Variants in CNBD1 observed in about 807,000 individuals in gnomAD.
CNBD1 encodes the protein cyclic nucleotide-binding domain-containing protein 1.
In CNBD1, 71 loss-of-function variants were observed where a neutral mutation model predicts 54.4. That is an observed-to-expected ratio of 1.30 (90% CI 1.08 to 1.59). The LOEUF is 1.59. CNBD1 is among the 40% of genes most tolerant of loss of function. The pLI, the probability that CNBD1 is intolerant of heterozygous loss-of-function variation, is 0.00. For missense variants in CNBD1, 659 were observed against 518.0 expected (o/e 1.27, Z -2.64); for synonymous variants, 182 against 170.7 (o/e 1.07, Z -0.51).
chr8:86,987,137 C>G (rs1315970874), intron 4 of CNBD1, among the ~76,000 whole-genome samples: 1 of 152,072 alleles, frequency 6.6e-6, no homozygotes, highest in Non-Finnish European at 1.5e-5. Flanking sequence ...TTTTTCTAAT[C>G]CATGAACATG....
In CNBD1 at chr8:87,227,591, G is replaced by A. The variant is rs202221754; in HGVS notation, c.578-9328G>A. On this transcript the variant is annotated intron_variant, in intron 5 of 10. Transcript: ENST00000518476. ...GCCCCCACTCTCTTCTGGCTTGTAG[G>A]GTTTCTGCCGAGAGATCCGCTGTTA... Among the ~76,000 whole-genome samples, 3 of 120,738 alleles carry A rather than the reference G, an allele frequency of 2.5e-5. No individual in the cohort carries two copies. The Admixed American group carries it at 2.6e-4, about 11-fold the overall frequency. 79.2% of individuals were successfully genotyped at this position (120,738 alleles called of 152,430 possible).
chr8:87,013,936 G>A (rs759431297), intron 4 of CNBD1, among the ~76,000 whole-genome samples: 1 of 150,788 alleles, frequency 6.6e-6, no homozygotes, highest in Non-Finnish European at 1.5e-5. Context: ...ACTGCCTAGG[G>A]TGATGCAACA....
At chr8:87,252,020 A>T (rs756612150) in intron 6 of CNBD1, among the ~76,000 whole-genome samples, 2 of 152,158 alleles carry the variant, frequency 1.3e-5, no homozygotes, top group Non-Finnish European at 2.9e-5. Flanking sequence ...ACATAAATTG[A>T]TAAGAATTTG....
At chr8:87,284,232 T>C (rs760309032) in intron 6 of CNBD1, among the ~76,000 whole-genome samples, 1 of 152,148 alleles carries the variant, frequency 6.6e-6, no homozygotes, top group Non-Finnish European at 1.5e-5. Context: ...ATTGTTTACA[T>C]ATTAAATTAA....
chr8:86,956,511 C>A (rs1055723737), intron 4 of CNBD1, among the ~76,000 whole-genome samples: 2 of 152,138 alleles, frequency 1.3e-5, no homozygotes, highest in African/African-American at 4.8e-5. Flanking sequence ...TTTCACTGAG[C>A]AGTGGTTTGT....
chr8:87,377,838 T>C (rs1195329210), intron 10 of CNBD1, among the ~76,000 whole-genome samples: 9 of 150,154 alleles, frequency 6.0e-5, no homozygotes, highest in East Asian at 3.9e-4. Flanking sequence ...TTTTAATGAT[T>C]GCCATTCTAA....
chr8:87,352,177 C>G (rs187585114), intron 9 of CNBD1, among the ~76,000 whole-genome samples: 1 of 152,040 alleles, frequency 6.6e-6, no homozygotes. Context: ...TATGTCTACA[C>G]GAAGACTTAT....
At chr8:87,412,873 A>G (rs924332057) in intron 2 of CNBD1, among the ~76,000 whole-genome samples, 3 of 152,110 alleles carry the variant, frequency 2.0e-5, no homozygotes, top group Non-Finnish European at 4.4e-5. Context: ...AAGACAAGGT[A>G]AACATGCGAA....
At chr8:87,064,890 C>A (rs942648966) in intron 4 of CNBD1, among the ~76,000 whole-genome samples, 16 of 151,958 alleles carry the variant, frequency 1.1e-4, no homozygotes, top group African/African-American at 3.9e-4. Context: ...CATTCACTCT[C>A]TTTTCTTCTT....
intron 10 of CNBD1, among the ~76,000 whole-genome samples, chr8:87,375,717 C>T: frequency 6.6e-6 from 1 of 151,820 alleles, no homozygotes; most frequent in East Asian, 1.9e-4. Context: ...TTTAAAATGT[C>T]TGCTTAAATG....
chr8:87,376,313 G>T (rs778520390), intron 10 of CNBD1, among the ~76,000 whole-genome samples: 1 of 151,774 alleles, frequency 6.6e-6, no homozygotes, highest in Non-Finnish European at 1.5e-5. Context: ...TCTTCTCCTT[G>T]TATTCTCACA....
At chr8:86,960,677 A>T (rs1347618194) in intron 4 of CNBD1, among the ~76,000 whole-genome samples, 1 of 152,198 alleles carries the variant, frequency 6.6e-6, no homozygotes, top group Non-Finnish European at 1.5e-5. Context: ...GAATGGACAG[A>T]CTGCCTCCTC....
intron 4 of CNBD1, among the ~76,000 whole-genome samples, chr8:87,038,224 C>G (rs533495397): frequency 1.3e-5 from 2 of 152,162 alleles, no homozygotes; most frequent in Admixed American, 6.5e-5. Context: ...AATATTTAGG[C>G]TCAAGTTAAT....
intron 4 of CNBD1, among the ~76,000 whole-genome samples, chr8:86,960,688 A>G (rs921027739): frequency 6.6e-6 from 1 of 152,160 alleles, no homozygotes. Context: ...CTGCCTCCTC[A>G]AGTGGGTCCC....
chr8:87,166,893 TTATTACAAAGGGAATTATATCC>T lies in CNBD1; in HGVS notation c.432-39096_432-39075del, dbSNP rs149236069. ...GTATGTAACTATATATTTAATTTTT[TTATTACAAAGGGAATTATATCC>T]TATGCTCATTCTGTCATTTTGAACA... On this transcript the variant is annotated intron_variant, in intron 4 of 10. Transcript: ENST00000518476. This position sits in a 1 kb window ranked among gnomAD's most constrained non-coding sequence, Gnocchi z 4.3. 0.013 allele frequency among the ~76,000 whole-genome samples: 1,927 copies of T among 152,058 alleles called. 54 individuals carry two copies. The highest frequency in any genetic ancestry group is 0.044 in the African/African-American group (1,810 of 41,494).
intron 2 of CNBD1, among the ~76,000 whole-genome samples, chr8:86,898,683 T>C (rs1306414437): frequency 6.6e-6 from 1 of 152,118 alleles, no homozygotes; most frequent in Non-Finnish European, 1.5e-5. Context: ...AAATGGATCA[T>C]AGACCTAAAT....
At chr8:87,084,497 A>G (rs1383138574) in intron 4 of CNBD1, among the ~76,000 whole-genome samples, 2 of 152,164 alleles carry the variant, frequency 1.3e-5, no homozygotes, top group Non-Finnish European at 2.9e-5. Context: ...TGCACTTGAA[A>G]TATGTCATCC....
chr8:87,169,179 A>G (rs1813034178), intron 4 of CNBD1, among the ~76,000 whole-genome samples: 1 of 152,080 alleles, frequency 6.6e-6, no homozygotes, highest in Non-Finnish European at 1.5e-5. Flanking sequence ...ATGATCACTG[A>G]TGTTGAGGGC....
At chr8:87,377,149 T>G (rs1312284487) in intron 10 of CNBD1, among the ~76,000 whole-genome samples, 1 of 149,378 alleles carries the variant, frequency 6.7e-6, no homozygotes, top group Admixed American at 6.7e-5. Context: ...TTTTTATGAT[T>G]ATTATTTATA....
Sources: allele counts gnomAD v4.1 joint callset (sites outside exome capture counted in the v4.1 genomes callset), GRCh38; gene constraint gnomAD v4.1.1; non-coding constraint Gnocchi (gnomAD v3.1); transcripts MANE v1.5; gene names NCBI Gene and HGNC (gene_info 2026-07-23, HGNC 2026-07-21).